LRP1B: variants seen among roughly 807,000 people sequenced by gnomAD.
LRP1B encodes the protein low-density lipoprotein receptor-related protein 1B.
Under a neutral mutation model 556.6 loss-of-function variants are expected in LRP1B, and 217 were observed. That is an observed-to-expected ratio of 0.39 (90% CI 0.35 to 0.44). The LOEUF (loss-of-function observed/expected upper bound fraction) is 0.44. LRP1B is among the 20% of genes least tolerant of loss of function. The pLI, the probability that LRP1B is intolerant of heterozygous loss-of-function variation, is 1.00. For synonymous variants in LRP1B, 2,047 were observed against 1,865.8 expected, an observed-to-expected ratio of 1.10 and a Z score of -2.50; for missense variants, 5,053 against 5,620.8, an observed-to-expected ratio of 0.90 and a Z score of 3.23.
intron 84 of LRP1B, among the ~76,000 whole-genome samples, chr2:140,291,972 T>C (rs2104988656): frequency 6.6e-6 from 1 of 152,246 alleles, no homozygotes; most frequent in South Asian, 2.1e-4. Flanking sequence ...CCAGCACCTG[T>C]TGTTTCCTGA....
intron 2 of LRP1B, among the ~76,000 whole-genome samples, chr2:141,754,951 T>G (rs956787471): frequency 1.3e-5 from 2 of 152,114 alleles, no homozygotes; most frequent in East Asian, 1.9e-4. Flanking sequence ...AAAGAAGATT[T>G]GGATTATTTT....
intron 3 of LRP1B, among the ~76,000 whole-genome samples, chr2:141,291,090 G>A (rs146134110): frequency 1.8e-3 from 271 of 152,138 alleles, no homozygotes; most frequent in African/African-American, 6.1e-3. Flanking sequence ...ATAAAAGAAA[G>A]GAGAAACATT....
intron 7 of LRP1B, among the ~76,000 whole-genome samples, chr2:141,158,051 C>G (rs2105103177): frequency 6.6e-6 from 1 of 152,188 alleles, no homozygotes; most frequent in South Asian, 2.1e-4. Context: ...ATGGCTAGTT[C>G]TGTCAAGTGT....
rs560994198 is a variant in LRP1B, at chr2:141,002,792, A to G, written c.2503+2543T>C. On this transcript the variant is annotated intron_variant, in intron 15 of 90. Coordinates refer to ENST00000389484, the MANE Select transcript of LRP1B (RefSeq NM_018557.3). ...GCTAAAAGTTTAAGTACTAAGCAAT[A>G]CAAGTAGTGAAACAGTGATCTAGGC... Among the ~76,000 whole-genome samples, 7 of 152,202 alleles carry G rather than the reference A, an allele frequency of 4.6e-5. No homozygotes were observed. The East Asian group carries it at 1.4e-3, about 30-fold the overall frequency.
At chr2:141,680,184 G>T (rs887048506) in intron 2 of LRP1B, among the ~76,000 whole-genome samples, 3 of 151,914 alleles carry the variant, frequency 2.0e-5, no homozygotes, top group Non-Finnish European at 4.4e-5. Flanking sequence ...TGCGAATTTC[G>T]AATCAAAATC....
chr2:141,389,041 A>C (rs994342294), intron 3 of LRP1B, among the ~76,000 whole-genome samples: 1 of 152,202 alleles, frequency 6.6e-6, no homozygotes. Flanking sequence ...GAAACTTAAT[A>C]TATTAAGATG....
intron 2 of LRP1B, among the ~76,000 whole-genome samples, chr2:141,540,596 G>T (rs1015638352): frequency 2.0e-5 from 3 of 152,008 alleles, no homozygotes; most frequent in African/African-American, 4.8e-5. Context: ...AGGGCAACGT[G>T]ATTGTAAAAT....
intron 1 of LRP1B, among the ~76,000 whole-genome samples, chr2:142,038,147 C>T (rs1220697832): frequency 6.6e-6 from 1 of 151,442 alleles, no homozygotes; most frequent in Non-Finnish European, 1.5e-5. Context: ...TATAAATATC[C>T]TTGTCTCTTT....
chr2:140,653,238 T>C (rs529557156), intron 41 of LRP1B, among the ~76,000 whole-genome samples: 1 of 152,178 alleles, frequency 6.6e-6, no homozygotes, highest in South Asian at 2.1e-4. Flanking sequence ...TCCCGGACTA[T>C]ACAACAATAA....
In LRP1B at chr2:142,092,851, TTTAAA is replaced by T. The variant is rs1706222705; in HGVS notation, c.82+37792_82+37796del. The stretch of plus-strand genomic sequence containing the variant: ...TCAGTTTTCCTTGTGAATTTCTGGA[TTTAAA>T]TTATTTTTCTGCAAAATCACCATCA... On this transcript the variant is annotated intron_variant, in intron 1 of 90. Transcript: ENST00000389484. Among the ~76,000 whole-genome samples, 3 of 152,236 alleles carry T rather than the reference TTTAAA, an allele frequency of 2.0e-5. No individual in the cohort carries two copies. The South Asian group carries it at 6.2e-4, about 32-fold the overall frequency.
At chr2:142,060,144 C>T (rs1704850429) in intron 1 of LRP1B, among the ~76,000 whole-genome samples, 1 of 152,028 alleles carries the variant, frequency 6.6e-6, no homozygotes, top group Non-Finnish European at 1.5e-5. Context: ...TTGAAGAAGA[C>T]ATTTTCTACA....
chr2:141,333,153 T>A (rs922056301), intron 3 of LRP1B, among the ~76,000 whole-genome samples: 2 of 152,138 alleles, frequency 1.3e-5, no homozygotes, highest in African/African-American at 2.4e-5. Flanking sequence ...AACATAACAT[T>A]CCCAAACACA....
chr2:140,799,495 C>T (rs1328500560), intron 32 of LRP1B, among the ~76,000 whole-genome samples: 1 of 152,170 alleles, frequency 6.6e-6, no homozygotes, highest in Non-Finnish European at 1.5e-5. Context: ...GTTTATGGTA[C>T]TTCGTTAAGG....
At chr2:141,357,583 T>A (rs368391280) in intron 3 of LRP1B, among the ~76,000 whole-genome samples, 1 of 152,188 alleles carries the variant, frequency 6.6e-6, no homozygotes, top group African/African-American at 2.4e-5. Context: ...AATAGAGTTT[T>A]AACTGGGTAT....
At chr2:142,082,691 C>T (rs1705765686) in intron 1 of LRP1B, among the ~76,000 whole-genome samples, 3 of 152,154 alleles carry the variant, frequency 2.0e-5, no homozygotes, top group East Asian at 3.9e-4. Context: ...CTCAGCTTTT[C>T]CTTATATTAA....
intron 53 of LRP1B, among the ~76,000 whole-genome samples, chr2:140,506,202 T>C (rs1304974573): frequency 6.6e-6 from 1 of 152,108 alleles, no homozygotes; most frequent in Non-Finnish European, 1.5e-5. Flanking sequence ...TATTTCAAAA[T>C]ACGTTAAACC....
intron 6 of LRP1B, among the ~76,000 whole-genome samples, chr2:141,204,687 G>T (rs1243491582): frequency 6.6e-6 from 1 of 152,064 alleles, no homozygotes; most frequent in Non-Finnish European, 1.5e-5. Flanking sequence ...GAATGTAAGA[G>T]ATGACACTTT....
chr2:141,115,842 A>T (rs1700884910), intron 7 of LRP1B, among the ~76,000 whole-genome samples: 1 of 152,040 alleles, frequency 6.6e-6, no homozygotes, highest in African/African-American at 2.4e-5. Flanking sequence ...GCCAGAAAAA[A>T]ACTAAAGAAT....
At chr2:141,865,584 T>A (rs1574443236) in intron 1 of LRP1B, among the ~76,000 whole-genome samples, 2 of 99,398 alleles carry the variant, frequency 2.0e-5, no homozygotes, top group Admixed American at 1.5e-4. Flanking sequence ...AGAGCGAGAC[T>A]CCGTCTCAAA....
Sources: gnomAD v4.1 joint callset for allele counts (sites outside exome capture counted in the v4.1 genomes callset) on GRCh38, gnomAD v4.1.1 for gene constraint, MANE v1.5 for transcripts, NCBI Gene and HGNC (gene_info 2026-07-23, HGNC 2026-07-21) for gene names.